The following OR2L13 variants were observed in gnomAD, a reference collection of about 807,000 sequenced individuals.
OR2L13 encodes the protein olfactory receptor 2L13.
Under a neutral mutation model 15.3 loss-of-function variants are expected in OR2L13, and 14 were observed. That is an observed-to-expected ratio of 0.91 (90% confidence interval 0.60 to 1.43). The LOEUF is 1.43. Ranked by LOEUF, OR2L13 falls within the 40% of genes most tolerant of loss-of-function variation. The probability of loss-of-function intolerance (pLI) is 0.00; values close to 1 mark genes in which losing one functional copy is unlikely to be tolerated. For missense variants in OR2L13, 367 were observed against 387.9 expected (o/e 0.95, Z 0.45); for synonymous variants, 152 against 142.9 (o/e 1.06, Z -0.45).
chr1:247,988,319 A>G, the OR2L13 span, among the ~76,000 whole-genome samples: 24 of 151,548 alleles, frequency 1.6e-4, no homozygotes, highest in African/African-American at 5.8e-4. Context: ...GTCTTTTGAA[A>G]TTTTCATTTA....
chr1:248,057,335 A>C, the OR2L13 span, among the ~76,000 whole-genome samples: 1 of 152,150 alleles, frequency 6.6e-6, no homozygotes. Context: ...TGGGTTCATA[A>C]ATATTTACAA....
chr1:248,067,344 T>C, the OR2L13 span, among the ~76,000 whole-genome samples: 1 of 152,362 alleles, frequency 6.6e-6, no homozygotes, highest in Admixed American at 6.5e-5. Context: ...GTAGTTTTAA[T>C]TGGCTTCCTC....
the OR2L13 span, chr1:248,022,845 C>T: frequency 6.2e-7 from 1 of 1,612,646 alleles, no homozygotes; most frequent in South Asian, 1.1e-5. Context: ...GATGGGGGCC[C>T]TGACACGAGT....
the OR2L13 span, among the ~76,000 whole-genome samples, chr1:248,064,353 T>C: frequency 1.3e-5 from 2 of 152,130 alleles, no homozygotes; most frequent in South Asian, 4.1e-4. Context: ...GTAGAAGCCA[T>C]CGTCTATGAA....
At chr1:248,073,877 A>G in the OR2L13 span, among the ~76,000 whole-genome samples, 5 of 151,984 alleles carry the variant, frequency 3.3e-5, no homozygotes, top group African/African-American at 1.2e-4. Context: ...TATTAACTCT[A>G]TAAAGCTCTA....
the OR2L13 span, among the ~76,000 whole-genome samples, chr1:248,072,887 A>G: frequency 6.6e-6 from 1 of 152,228 alleles, no homozygotes; most frequent in Non-Finnish European, 1.5e-5. Flanking sequence ...GCTCACCATC[A>G]CTGGCCATCA....
At chr1:247,985,108 CT>C in the OR2L13 span, among the ~76,000 whole-genome samples, 496 of 152,006 alleles carry the variant, frequency 3.3e-3, 3 homozygotes, top group African/African-American at 0.011. Flanking sequence ...ATTTTTTACT[CT>C]TTTTTTTAAT....
chr1:248,045,150 CTA>C, the OR2L13 span, among the ~76,000 whole-genome samples: 1 of 152,236 alleles, frequency 6.6e-6, no homozygotes, highest in South Asian at 2.1e-4. Context: ...GTAAATATGA[CTA>C]TGAAATTAAA....
chr1:247,993,812 A>G, the OR2L13 span, among the ~76,000 whole-genome samples: 1 of 119,692 alleles, frequency 8.4e-6, no homozygotes, highest in Admixed American at 7.8e-5. Context: ...AGAGAGAGAG[A>G]AAGAAAGAGA....
the OR2L13 span, chr1:247,974,986 T>C: frequency 3.2e-6 from 1 of 310,642 alleles, no homozygotes; most frequent in South Asian, 4.0e-5. Context: ...AGATGTTTTC[T>C]GATTTTCTGT....
chr1:247,962,098 G>C, the OR2L13 span, among the ~76,000 whole-genome samples: 1 of 152,228 alleles, frequency 6.6e-6, no homozygotes, highest in South Asian at 2.1e-4. Context: ...TGGCCCAGAG[G>C]AGAAAGTCTA....
At chr1:247,990,221 C>T in the OR2L13 span, 1 of 698,812 alleles carries the variant, frequency 1.4e-6, no homozygotes. Context: ...TACTGTACTT[C>T]ACTTACCCTT....
At chr1:248,099,973 G>T (rs1664821354) in exon 3 of OR2L13, 1 of 1,613,920 alleles carries the variant, frequency 6.2e-7, no homozygotes, top group African/African-American at 1.3e-5. Context: ...TATGGTTTTT[G>T]TAAGTACAAG....
At chr1:247,972,832 A>C in the OR2L13 span, among the ~76,000 whole-genome samples, 2 of 152,132 alleles carry the variant, frequency 1.3e-5, no homozygotes, top group Middle Eastern at 3.2e-3. Context: ...AAAAAACAAA[A>C]TTTCAAGCCA....
the OR2L13 span, among the ~76,000 whole-genome samples, chr1:248,077,373 G>T: frequency 6.6e-6 from 1 of 152,162 alleles, no homozygotes; most frequent in Non-Finnish European, 1.5e-5. Flanking sequence ...AGTTAGGGAG[G>T]ATTCCCTCTT....
chr1:248,038,988 A>T, the OR2L13 span: 1 of 1,614,080 alleles, frequency 6.2e-7, no homozygotes, highest in Middle Eastern at 1.6e-4. Flanking sequence ...TTCAACCTGT[A>T]GCACCCACCT....
At chr1:248,086,135 C>A in the OR2L13 span, among the ~76,000 whole-genome samples, 6 of 152,176 alleles carry the variant, frequency 3.9e-5, no homozygotes, top group East Asian at 1.2e-3. Context: ...TAGTTTAGAT[C>A]ATTTTATGTT....
At chr1:248,066,418 A>C in the OR2L13 span, among the ~76,000 whole-genome samples, 1 of 152,208 alleles carries the variant, frequency 6.6e-6, no homozygotes, top group Admixed American at 6.5e-5. Context: ...CAACCCCACT[A>C]CTAACTTTTT....
chr1:247,949,256 C>G, the OR2L13 span: 2 of 1,614,210 alleles, frequency 1.2e-6, no homozygotes, highest in Non-Finnish European at 1.7e-6. Context: ...ACTATCTCAT[C>G]CGCATGAGCA....
Sources: allele counts gnomAD v4.1 joint callset (sites outside exome capture counted in the v4.1 genomes callset), GRCh38; gene constraint gnomAD v4.1.1; transcripts MANE v1.5; gene names NCBI Gene and HGNC (gene_info 2026-07-23, HGNC 2026-07-21).